The following CHODL variants were observed in gnomAD, a reference collection of about 807,000 sequenced individuals.
The protein encoded by CHODL is transmembrane protein MT75.
CHODL carries 29 observed loss-of-function variants against 34.5 expected under a neutral mutation model. The observed-to-expected ratio is 0.84, with a 90% CI of 0.63 to 1.15. The LOEUF (loss-of-function observed/expected upper bound fraction) is 1.15. CHODL is among the 50% of genes most tolerant of loss of function. CHODL has a pLI of 0.00. For synonymous variants in CHODL, 125 were observed against 116.1 expected (o/e 1.08, Z -0.49); for missense variants, 332 against 332.5 (o/e 1.00, Z 0.01).
chr21:18,054,840 A>T (rs1179922768), intron 2 of CHODL, among the ~76,000 whole-genome samples: 1 of 151,976 alleles, frequency 6.6e-6, no homozygotes, highest in African/African-American at 2.4e-5. Context: ...AAAAAGAGAA[A>T]AGAAAACCAG....
At chr21:17,987,721 A>G (rs1251291470) in intron 1 of CHODL, among the ~76,000 whole-genome samples, 1 of 152,188 alleles carries the variant, frequency 6.6e-6, no homozygotes, top group Non-Finnish European at 1.5e-5. Context: ...TAACAGTAAC[A>G]CAAATTTTAT....
At chr21:17,956,889 T>C (rs1270899862) in intron 1 of CHODL, among the ~76,000 whole-genome samples, 4 of 148,950 alleles carry the variant, frequency 2.7e-5, no homozygotes, top group African/African-American at 9.7e-5. Flanking sequence ...CCACTAGATA[T>C]TCAGATATCT....
At chr21:17,944,470 C>T (rs1343869145) in intron 1 of CHODL, among the ~76,000 whole-genome samples, 2 of 152,180 alleles carry the variant, frequency 1.3e-5, no homozygotes, top group Non-Finnish European at 2.9e-5. Flanking sequence ...AAAGCTCACC[C>T]TACAGCTCCA....
chr21:18,080,918 G>C (rs1407074360), intron 2 of CHODL, among the ~76,000 whole-genome samples: 1 of 152,106 alleles, frequency 6.6e-6, no homozygotes, highest in African/African-American at 2.4e-5. Context: ...TCTATGAATT[G>C]CTTTGGGCAG....
chr21:18,226,637 C>T (rs981246195), intron 2 of CHODL, among the ~76,000 whole-genome samples: 1 of 152,098 alleles, frequency 6.6e-6, no homozygotes, highest in Non-Finnish European at 1.5e-5. Flanking sequence ...AAATACTCTT[C>T]CTGTCTCTTA....
At chr21:18,184,432 A>T (rs937722939) in intron 2 of CHODL, among the ~76,000 whole-genome samples, 1 of 152,234 alleles carries the variant, frequency 6.6e-6, no homozygotes, top group Admixed American at 6.5e-5. Flanking sequence ...TATTAATATC[A>T]TATTTTTGAA....
chr21:17,997,628 CA>C (rs1437279996), intron 1 of CHODL, among the ~76,000 whole-genome samples: 4 of 152,150 alleles, frequency 2.6e-5, no homozygotes, highest in African/African-American at 9.7e-5. Flanking sequence ...TGCCATGCCT[CA>C]GAATCATAGC....
At chr21:18,036,013 A>G (rs865804532) in intron 2 of CHODL, among the ~76,000 whole-genome samples, 2 of 151,902 alleles carry the variant, frequency 1.3e-5, no homozygotes, top group African/African-American at 2.4e-5. Flanking sequence ...TATACATTTT[A>G]TCTTGATTAT....
rs528992351 is a variant in CHODL at position 18,006,939 on chromosome 21, A to T, written c.-144-20933A>T. On this transcript the variant is annotated intron_variant, in intron 1 of 6. Transcript: ENST00000400127. ...CTAATGATTCTTGGCTTGATGTTGC[A>T]GATGCAACTGTGAGCCTATAAATGA... Among the ~76,000 whole-genome samples the T allele has an allele frequency of 3.3e-5, 5 of 152,348 alleles. No homozygotes were observed. In the South Asian group the frequency reaches 1.0e-3, roughly 32 times the overall value.
intron 2 of CHODL, among the ~76,000 whole-genome samples, chr21:18,085,764 TTC>T (rs1340162583): frequency 2.6e-5 from 4 of 152,196 alleles, no homozygotes; most frequent in Admixed American, 2.0e-4. Flanking sequence ...CTATATGCTT[TTC>T]TCTTTTTAAT....
intron 2 of CHODL, among the ~76,000 whole-genome samples, chr21:18,069,846 G>A (rs887035367): frequency 7.9e-5 from 12 of 151,870 alleles, no homozygotes; most frequent in Non-Finnish European, 1.6e-4. Context: ...CTGGGCTCAA[G>A]TGATCGTCCC....
chr21:18,099,234 A>G (rs1054527324), intron 2 of CHODL, among the ~76,000 whole-genome samples: 1 of 152,082 alleles, frequency 6.6e-6, no homozygotes, highest in Non-Finnish European at 1.5e-5. Context: ...AACTAAGAGT[A>G]TAATTGGATT....
chr21:18,073,961 G>T (rs1165565526), intron 2 of CHODL, among the ~76,000 whole-genome samples: 1 of 151,962 alleles, frequency 6.6e-6, no homozygotes, highest in Non-Finnish European at 1.5e-5. Context: ...GGGATAGAAG[G>T]TCATTTTTTT....
intron 2 of CHODL, among the ~76,000 whole-genome samples, chr21:18,236,331 C>T (rs932867162): frequency 1.3e-5 from 2 of 152,064 alleles, no homozygotes; most frequent in Admixed American, 6.6e-5. Flanking sequence ...GGGTCCTTTC[C>T]ATAGCACATG....
At chr21:18,206,277 T>G (rs1180901257) in intron 2 of CHODL, among the ~76,000 whole-genome samples, 1 of 152,198 alleles carries the variant, frequency 6.6e-6, no homozygotes, top group East Asian at 1.9e-4. Context: ...ATCTCTCTCA[T>G]TAGCTTTAAT....
intron 2 of CHODL, among the ~76,000 whole-genome samples, chr21:18,188,293 T>C (rs1373153452): frequency 6.6e-6 from 1 of 152,218 alleles, no homozygotes; most frequent in Non-Finnish European, 1.5e-5. Flanking sequence ...AATTCATTTT[T>C]ATACTCATCT....
Position 18,018,481 on chromosome 21 carries a change from G to A in CHODL, c.-144-9391G>A, listed in dbSNP as rs546451901. 5.9e-5 allele frequency among the ~76,000 whole-genome samples: 9 copies of A among 152,096 alleles called. No individual in the cohort carries two copies. The South Asian group carries it at 1.9e-3, about 32-fold the overall frequency. Reference sequence around the variant, plus strand: ...AAATCTGGTCATTTAGAAGTGTGTGGCACCTTCACCCCCACTCTCTCTTGC... The same window carrying A: ...AAATCTGGTCATTTAGAAGTGTGTGACACCTTCACCCCCACTCTCTCTTGC... On this transcript the variant is annotated intron_variant, in intron 1 of 6. Coordinates refer to the CHODL transcript ENST00000400127.
chr21:17,999,270 A>C (rs1306727040), intron 1 of CHODL, among the ~76,000 whole-genome samples: 1 of 152,154 alleles, frequency 6.6e-6, no homozygotes, highest in Non-Finnish European at 1.5e-5. Flanking sequence ...CTTATTGTTC[A>C]TATCACTTTC....
At chr21:18,009,190 T>G (rs1418172527) in intron 1 of CHODL, among the ~76,000 whole-genome samples, 1 of 152,182 alleles carries the variant, frequency 6.6e-6, no homozygotes, top group East Asian at 1.9e-4. Flanking sequence ...TTGAATAGCT[T>G]AGATTCAGTA....
Sources: gnomAD v4.1 joint callset for allele counts (sites outside exome capture counted in the v4.1 genomes callset) on GRCh38, gnomAD v4.1.1 for gene constraint, MANE v1.5 for transcripts, NCBI Gene and HGNC (gene_info 2026-07-23, HGNC 2026-07-21) for gene names.